The following PHLPP1 variants were observed in gnomAD, a reference collection of about 807,000 sequenced individuals.
The protein encoded by PHLPP1 is PH domain and leucine rich repeat protein phosphatase 1.
PHLPP1 carries 42 observed loss-of-function variants against 117.2 expected under a neutral mutation model. The observed-to-expected ratio is 0.36, with a 90% confidence interval of 0.28 to 0.46. The LOEUF (loss-of-function observed/expected upper bound fraction) is 0.46, where lower values mean the gene tolerates loss of function less well. Among genes scored for constraint, PHLPP1 ranks in the 20% least tolerant of loss-of-function variants. The pLI, the probability that PHLPP1 is intolerant of heterozygous loss-of-function variation, is 1.00. For synonymous variants in PHLPP1, 1,042 were observed against 970.7 expected, an observed-to-expected ratio of 1.07 and a Z score of -1.37; for missense variants, 2,084 against 2,241.9, an observed-to-expected ratio of 0.93 and a Z score of 1.42.
chr18:62,931,223 TG>T (rs1232412311), intron 10 of PHLPP1, among the ~76,000 whole-genome samples: 3 of 147,508 alleles, frequency 2.0e-5, no homozygotes, highest in East Asian at 4.0e-4. Flanking sequence ...ACAACAACAA[TG>T]AATACATGGA....
intron 12 of PHLPP1, among the ~76,000 whole-genome samples, chr18:62,947,276 G>A (rs1400398635): frequency 1.3e-5 from 2 of 152,150 alleles, no homozygotes; most frequent in Admixed American, 6.5e-5. Flanking sequence ...TACATGTAAA[G>A]CATTTGAAAT....
At chr18:62,949,977 C>T (rs980947111) in intron 12 of PHLPP1, among the ~76,000 whole-genome samples, 1 of 152,178 alleles carries the variant, frequency 6.6e-6, no homozygotes, top group South Asian at 2.1e-4. Context: ...AAACCCTTCC[C>T]CCGCTTTTTT....
chr18:62,876,707 A>G (rs1916058470), intron 4 of PHLPP1, among the ~76,000 whole-genome samples: 1 of 152,246 alleles, frequency 6.6e-6, no homozygotes, highest in African/African-American at 2.4e-5. Flanking sequence ...TCAGTCACTT[A>G]GAATGATTAT....
chr18:62,874,416 T>A (rs1405923402), intron 4 of PHLPP1, among the ~76,000 whole-genome samples: 3 of 150,912 alleles, frequency 2.0e-5, no homozygotes, highest in African/African-American at 7.3e-5. Context: ...GGCTGAGGCA[T>A]GAGAATCGCC....
intron 12 of PHLPP1, among the ~76,000 whole-genome samples, chr18:62,958,164 C>T (rs1910672413): frequency 6.6e-6 from 1 of 152,198 alleles, no homozygotes; most frequent in East Asian, 1.9e-4. Context: ...TCAAGTGATC[C>T]ACCCTACTCG....
At position 62,818,359 on chromosome 18, in the gene PHLPP1, C is replaced by T. The variant is rs769172192; in HGVS notation, c.1577-11676C>T. ...CAACCTGGTCAACATGGCGAAACCC[C>T]GTCTCTACTAAAAAATATAAAAATT... On this transcript the variant is annotated intron_variant, in intron 1 of 16. Transcript: ENST00000262719. Among the ~76,000 whole-genome samples, 127 of 152,012 alleles carry T rather than the reference C, an allele frequency of 8.4e-4. 1 individual carries two copies. Among genetic ancestry groups the T allele is most frequent in the Non-Finnish European group, 1.6e-3 (111 of 67,996 alleles).
chr18:62,888,256 T>G (rs1916327881), intron 4 of PHLPP1, among the ~76,000 whole-genome samples: 1 of 151,858 alleles, frequency 6.6e-6, no homozygotes, highest in Admixed American at 6.6e-5. Context: ...AATATTAGTT[T>G]AAAATAGAAT....
intron 1 of PHLPP1, among the ~76,000 whole-genome samples, chr18:62,821,136 AT>A (rs1914441879): frequency 6.6e-6 from 1 of 152,206 alleles, no homozygotes; most frequent in Non-Finnish European, 1.5e-5. Flanking sequence ...GAATCTCAAA[AT>A]TAGTAAAAGA....
At chr18:62,867,914 C>T (rs1915807168) in intron 4 of PHLPP1, among the ~76,000 whole-genome samples, 1 of 152,026 alleles carries the variant, frequency 6.6e-6, no homozygotes, top group Admixed American at 6.6e-5. Flanking sequence ...CAGATTCACG[C>T]CATTCTCCTG....
At chr18:62,721,405 A>T (rs1450011074) in intron 1 of PHLPP1, among the ~76,000 whole-genome samples, 1 of 151,768 alleles carries the variant, frequency 6.6e-6, no homozygotes, top group Non-Finnish European at 1.5e-5. Context: ...TTGCCTGAAA[A>T]GTGGGTAACT....
intron 3 of PHLPP1, among the ~76,000 whole-genome samples, chr18:62,848,455 A>ATTTTTTTTTT (rs56223512): frequency 1.1e-5 from 1 of 88,550 alleles, no homozygotes; most frequent in African/African-American, 4.6e-5. Context: ...TTTTTTGTTG[A>ATTTTTTTTTT]TTTTTTTTTT....
At chr18:62,798,715 CCTT>C (rs1470199906) in intron 1 of PHLPP1, among the ~76,000 whole-genome samples, 1 of 151,882 alleles carries the variant, frequency 6.6e-6, no homozygotes, top group African/African-American at 2.4e-5. Context: ...GTTTGCCTCA[CCTT>C]CTCTTCTTTG....
intron 1 of PHLPP1, among the ~76,000 whole-genome samples, chr18:62,746,801 T>C (rs1306416183): frequency 6.6e-6 from 1 of 152,006 alleles, no homozygotes; most frequent in Non-Finnish European, 1.5e-5. Flanking sequence ...ATAAATGGTG[T>C]ATTAAAACTA....
intron 12 of PHLPP1, among the ~76,000 whole-genome samples, chr18:62,946,633 TTTTG>T (rs1324754771): frequency 6.6e-6 from 1 of 151,796 alleles, no homozygotes; most frequent in East Asian, 1.9e-4. Context: ...GTACAAGCCA[TTTTG>T]TTTGTGTGTG....
intron 4 of PHLPP1, among the ~76,000 whole-genome samples, chr18:62,864,679 A>G: frequency 6.6e-6 from 1 of 152,270 alleles, no homozygotes; most frequent in Non-Finnish European, 1.5e-5. Flanking sequence ...AAGGCTTTCT[A>G]TTAACTAGGC....
intron 4 of PHLPP1, among the ~76,000 whole-genome samples, chr18:62,868,588 C>G (rs1479256746): frequency 1.3e-5 from 2 of 149,508 alleles, no homozygotes; most frequent in African/African-American, 5.0e-5. Flanking sequence ...CGCCACTGCA[C>G]TCCAGCCTGA....
intron 9 of PHLPP1, among the ~76,000 whole-genome samples, chr18:62,916,728 T>TA (rs1445996473): frequency 2.0e-5 from 3 of 149,802 alleles, no homozygotes; most frequent in African/African-American, 7.3e-5. Flanking sequence ...TCTTTTCTTC[T>TA]ATTTTCTTTC....
At chr18:62,836,865 G>C (rs2144338410) in intron 2 of PHLPP1, among the ~76,000 whole-genome samples, 1 of 152,262 alleles carries the variant, frequency 6.6e-6, no homozygotes, top group African/African-American at 2.4e-5. Flanking sequence ...GTTGAGATAG[G>C]AGAATCGCTT....
intron 14 of PHLPP1, among the ~76,000 whole-genome samples, chr18:62,967,576 G>A (rs185144019): frequency 6.6e-6 from 1 of 151,618 alleles, no homozygotes; most frequent in East Asian, 1.9e-4. Context: ...CGGTATTTTT[G>A]TAGACACCCT....
Sources: allele counts gnomAD v4.1 joint callset (sites outside exome capture counted in the v4.1 genomes callset), GRCh38; gene constraint gnomAD v4.1.1; transcripts MANE v1.5; gene names NCBI Gene and HGNC (gene_info 2026-07-23, HGNC 2026-07-21).